Variants in PTPRS observed in about 807,000 individuals in gnomAD.
The protein encoded by PTPRS is receptor-type tyrosine-protein phosphatase S.
A neutral mutation model predicts 215.3 loss-of-function variants in PTPRS; 63 were observed. The ratio of observed to expected loss-of-function variants is 0.29; its 90% confidence interval spans 0.24 to 0.36. The LOEUF is 0.36. PTPRS is among the 10% of genes least tolerant of loss of function. The pLI is 1.00. For missense variants in PTPRS, 2,258 were observed against 2,825.8 expected (o/e 0.80, Z 4.56); for synonymous variants, 1,404 against 1,191.4 (o/e 1.18, Z -3.68).
chr19:5,231,328 C>T lies in PTPRS; in HGVS notation c.2137G>A (p.Val713Ile), dbSNP rs1367694603. The change falls in exon 14 of 38, where the codon GTC becomes ATC. Residue 713 changes from valine (V) to isoleucine (I), a missense_variant. Around this residue, in one of 6 missense-constraint regions of PTPRS, gnomAD observed 371 missense variants for 446.7 expected, o/e 0.83. Transcript: ENST00000262963. The part of the protein sequence containing the change: ...GPGPESSPVV[V>I]RTDEDVPSAP... ...TACTTACCATCCTCGTCGGTGCGGA[C>T]GACCACGGGCGAGCTCTCGGGCCCT... 2.5e-6 allele frequency: 4 copies of T among 1,609,226 alleles called. No homozygotes were observed. Among genetic ancestry groups the T allele is most frequent in the Non-Finnish European group, 3.4e-6 (4 of 1,179,492 alleles).
chr19:5,233,302 T>C (rs892349080), intron 13 of PTPRS, among the ~76,000 whole-genome samples: 2 of 150,678 alleles, frequency 1.3e-5, no homozygotes, highest in African/African-American at 2.5e-5. Context: ...CATCTATTTA[T>C]TGAACACCTA....
intron 4 of PTPRS, among the ~76,000 whole-genome samples, chr19:5,266,033 G>T (rs1843989572): frequency 6.6e-6 from 1 of 152,124 alleles, no homozygotes. Flanking sequence ...GCCGAGACAG[G>T]TGGATCACTT....
intron 1 of PTPRS, among the ~76,000 whole-genome samples, chr19:5,306,709 G>A (rs1339954499): frequency 1.3e-5 from 2 of 152,052 alleles, no homozygotes; most frequent in Admixed American, 6.6e-5. Flanking sequence ...AAGCATTTTT[G>A]TCTCTCACTG....
intron 2 of PTPRS, among the ~76,000 whole-genome samples, chr19:5,276,764 G>A (rs1011942187): frequency 6.6e-6 from 1 of 151,764 alleles, no homozygotes; most frequent in Non-Finnish European, 1.5e-5. Flanking sequence ...GGATGGTCTC[G>A]ATCTCCTGAC....
At chr19:5,274,524 C>T (rs530799157) in intron 2 of PTPRS, among the ~76,000 whole-genome samples, 180 bp from the exon 3 acceptor site, 20 of 152,300 alleles carry the variant, frequency 1.3e-4, no homozygotes, top group South Asian at 2.1e-4. Context: ...CCCCCCACCA[C>T]GGCACCCATG....
rs779912281 is a variant in PTPRS, at chr19:5,210,522, C to T, written c.5434G>A (p.Glu1812Lys). Residue 1812 changes from glutamate (E) to lysine (K), a missense_variant, in exon 35 of 38, where the codon GAA (glutamate) becomes AAA (lysine). By Grantham distance (56) the Glu-to-Lys change is moderately conservative. This residue lies in a region of PTPRS where 927 missense variants were observed against 1,125.9 expected (regional missense o/e 0.82). Coordinates refer to ENST00000262963, the MANE Select transcript of PTPRS (RefSeq NM_002850.4). The surrounding 1 kb of genome is among the most constrained non-coding windows in gnomAD (Gnocchi z 4.5). ...YQYFVVDPMA[E>K]YNMPQYILRE... ...AGGATATACTGAGGCATGTTGTATTCTGCCATCGGATCTACCACAAAGTAC... is the reference window on the plus strand; with the variant it reads ...AGGATATACTGAGGCATGTTGTATTTTGCCATCGGATCTACCACAAAGTAC... The T allele has an allele frequency of 6.2e-7, 1 of 1,614,212 alleles. No individual in the cohort carries two copies. Among genetic ancestry groups the T allele is most frequent in the Non-Finnish European group, 8.5e-7 (1 of 1,180,044 alleles).
chr19:5,214,326 CCA>C (rs1388314067), intron 30 of PTPRS, 33 bp downstream of exon 30: 4 of 1,613,492 alleles, frequency 2.5e-6, no homozygotes, highest in Non-Finnish European at 3.4e-6. Context: ...ACACATTCCT[CCA>C]CCCTCAGCCC....
chr19:5,263,990 G>GC, intron 5 of PTPRS, among the ~76,000 whole-genome samples: 1 of 152,174 alleles, frequency 6.6e-6, no homozygotes, highest in Non-Finnish European at 1.5e-5. Context: ...CGCAGACACA[G>GC]CCCCCCAGAC....
At position 5,257,997 on chromosome 19, in the gene PTPRS, C is replaced by T. The variant is rs367626200; in HGVS notation, c.706+20G>A. The T allele has an allele frequency of 9.3e-6, 15 of 1,604,670 alleles. No homozygotes were observed. In the African/African-American group the frequency reaches 1.7e-4, roughly 19 times the overall value. ...GACGGGGCGGGTCCCTGCCTTTGAC[C>T]TGGACGCGGCGTTCCCTACCTCGCA... On this transcript the variant is annotated intron_variant, in intron 8 of 37. Coordinates refer to ENST00000262963, the MANE Select transcript of PTPRS (RefSeq NM_002850.4). The surrounding 1 kb of genome is among the most constrained non-coding windows in gnomAD (Gnocchi z 4.4).
chr19:5,277,784 C>G, intron 2 of PTPRS: 1 of 733,894 alleles, frequency 1.4e-6, no homozygotes, highest in Non-Finnish European at 2.5e-6. Context: ...AAAAGAGGAT[C>G]AAGGCGTTCA....
intron 2 of PTPRS, among the ~76,000 whole-genome samples, chr19:5,283,427 A>C (rs1040547055): frequency 2.6e-5 from 4 of 152,100 alleles, no homozygotes; most frequent in Non-Finnish European, 5.9e-5. Context: ...AAATACAAAA[A>C]TTAGCAGGGC....
intron 1 of PTPRS, among the ~76,000 whole-genome samples, chr19:5,315,204 C>T (rs1455134219): frequency 6.6e-6 from 1 of 152,066 alleles, no homozygotes; most frequent in Non-Finnish European, 1.5e-5. Context: ...CCTCCCATCA[C>T]TCACGCCCAG....
intron 18 of PTPRS, 32 bp from the exon 19 acceptor site, chr19:5,222,252 C>G (rs774069727): frequency 6.4e-7 from 1 of 1,568,960 alleles, no homozygotes. Flanking sequence ...AGGGAGAGAG[C>G]AGAAGAGAGG....
At chr19:5,218,747 C>T in intron 24 of PTPRS, 40 bp downstream of exon 24, 2 of 1,609,648 alleles carry the variant, frequency 1.2e-6, no homozygotes, top group Non-Finnish European at 1.7e-6. Flanking sequence ...TGTCCTCTTC[C>T]TCTTGCCTGA....
intron 9 of PTPRS, among the ~76,000 whole-genome samples, chr19:5,249,463 G>A (rs1337940498): frequency 1.3e-5 from 2 of 152,238 alleles, no homozygotes; most frequent in Non-Finnish European, 2.9e-5. Context: ...GAGACTCAGA[G>A]AGGTGACAAG....
chr19:5,254,447 T>G (rs868606169), intron 9 of PTPRS, among the ~76,000 whole-genome samples: 20 of 147,648 alleles, frequency 1.4e-4, no homozygotes, highest in African/African-American at 5.1e-4. Flanking sequence ...GGGGTTGGAG[T>G]AAGACTCTCA....
At chr19:5,289,869 G>A (rs1037832819) in intron 1 of PTPRS, among the ~76,000 whole-genome samples, 1 of 152,336 alleles carries the variant, frequency 6.6e-6, no homozygotes, top group East Asian at 1.9e-4. Context: ...GAGCAGCCAG[G>A]AGCCCTACGT....
rs2048981004 is a variant in PTPRS, at chr19:5,293,141, C to G, written c.-94-6907G>C. 6.6e-6 allele frequency: 1 copy of G among 151,648 alleles called. No individual in the cohort carries two copies. The allele number at this position is 151,648 out of a possible 1,614,324, so 9.4% of individuals were successfully genotyped here. On this transcript the variant is annotated intron_variant, in intron 1 of 37. Coordinates refer to ENST00000262963, the MANE Select transcript of PTPRS (RefSeq NM_002850.4). This position sits in a 1 kb window ranked among gnomAD's most constrained non-coding sequence, Gnocchi z 8.4. ...GGAAGGGGGTCCCGGGCGCACTCAC[C>G]CCGCGGCTCGGAGATCGGGCCCAGG...
At position 5,206,591 on chromosome 19, in the gene PTPRS, G is replaced by A. The variant is rs549325961; in HGVS notation, c.*183C>T. On this transcript the variant is annotated 3_prime_UTR_variant, in exon 38 of 38. Coordinates refer to ENST00000262963, the MANE Select transcript of PTPRS (RefSeq NM_002850.4). ...CGGCCGGTGCCAGGGAGGTCGCTGG[G>A]GCGGCCGGGGCCGGTGGGGGGGCTC... is the stretch of plus-strand genomic sequence containing the variant. 2 of 550,134 alleles carry A rather than the reference G, an allele frequency of 3.6e-6. No individual in the cohort carries two copies. Among genetic ancestry groups the A allele is most frequent in the South Asian group, 4.4e-5 (2 of 45,548 alleles). The allele number at this position is 550,134 out of a possible 1,614,324, so 34.1% of individuals were successfully genotyped here.
Sources: allele counts gnomAD v4.1 joint callset (sites outside exome capture counted in the v4.1 genomes callset), GRCh38; gene constraint gnomAD v4.1.1; regional missense constraint gnomAD v4.1.1; non-coding constraint Gnocchi (gnomAD v3.1); transcripts MANE v1.5; gene names NCBI Gene and HGNC (gene_info 2026-07-23, HGNC 2026-07-21).